KLF17: variants seen among roughly 807,000 people sequenced by gnomAD.
KLF17 encodes KLF transcription factor 17.
KLF17 carries 31 observed loss-of-function variants against 34.2 expected under a neutral mutation model. The ratio of observed to expected loss-of-function variants is 0.91; its 90% CI spans 0.68 to 1.22. The LOEUF is 1.22. KLF17 is among the 50% of genes most tolerant of loss of function. The pLI, the probability that KLF17 is intolerant of heterozygous loss-of-function variation, is 0.00. For synonymous variants in KLF17, 179 were observed against 186.7 expected (o/e 0.96, Z 0.34); for missense variants, 478 against 505.2 (o/e 0.95, Z 0.52).
chr1:44,066,474 C>T, the KLF17 span, among the ~76,000 whole-genome samples: 1 of 151,430 alleles, frequency 6.6e-6, no homozygotes, highest in Non-Finnish European at 1.5e-5. Flanking sequence ...AATCCTCCCA[C>T]CTCAGCCTCC....
At chr1:44,091,782 C>T in the KLF17 span, among the ~76,000 whole-genome samples, 6 of 151,276 alleles carry the variant, frequency 4.0e-5, no homozygotes, top group African/African-American at 1.5e-4. Flanking sequence ...TTTTGGGGAC[C>T]TTAACGGTTC....
the KLF17 span, among the ~76,000 whole-genome samples, chr1:44,054,350 G>A: frequency 2.0e-5 from 3 of 152,228 alleles, no homozygotes; most frequent in South Asian, 6.2e-4. Context: ...ATTGTTAGTG[G>A]CTGCTTTAGG....
the KLF17 span, chr1:44,048,002 A>ATGTGTG: frequency 0.055 from 7,338 of 134,180 alleles, 207 homozygotes; most frequent in South Asian, 0.062. Flanking sequence ...TTGTGTGTGT[A>ATGTGTG]TGTGTGTGTG....
chr1:44,052,854 G>A, the KLF17 span, among the ~76,000 whole-genome samples: 27 of 151,092 alleles, frequency 1.8e-4, no homozygotes, highest in African/African-American at 5.4e-4. Context: ...TTGCAACAAT[G>A]TTTAGGTTCT....
At chr1:44,095,144 G>A in the KLF17 span, among the ~76,000 whole-genome samples, 9 of 150,238 alleles carry the variant, frequency 6.0e-5, no homozygotes, top group East Asian at 2.0e-4. Flanking sequence ...CTCATGATCC[G>A]CCCGCCTCGG....
chr1:44,067,968 A>G, the KLF17 span, among the ~76,000 whole-genome samples: 2 of 151,830 alleles, frequency 1.3e-5, no homozygotes, highest in African/African-American at 4.8e-5. Flanking sequence ...GGCAGCACTG[A>G]CCTTTCTTCC....
rs1262760107 is a variant in KLF17, at chr1:44,134,191, G to T, written c.*954G>T. ...ACAATGGTGGGCAAAACAGGCTCCT[G>T]CTCTTGTGGAGGTCACAATCTAGCG... On this transcript the variant is annotated 3_prime_UTR_variant, in exon 4 of 4. Transcript: ENST00000372299. 1 of 152,270 alleles carries T rather than the reference G, an allele frequency of 6.6e-6. No individual in the cohort carries two copies. The highest frequency in any genetic ancestry group is 6.5e-5 in the Admixed American group (1 of 15,270). 9.4% of individuals were successfully genotyped at this position (152,270 alleles called of 1,614,324 possible).
At chr1:44,117,303 ACAGCACACTG>A (rs1224978951), upstream of KLF17, 2 of 152,122 alleles carry the variant, frequency 1.3e-5, no homozygotes, top group Non-Finnish European at 2.9e-5. Flanking sequence ...CCCAATCAGC[ACAGCACACTG>A]CAGCCCAGAC....
intron 1 of KLF17, among the ~76,000 whole-genome samples, chr1:44,127,831 C>T (rs370658001): frequency 3.6e-5 from 4 of 111,118 alleles, no homozygotes; most frequent in South Asian, 3.1e-4. Flanking sequence ...ATTGTTGTTA[C>T]GTTTTCCCTT....
the KLF17 span, among the ~76,000 whole-genome samples, chr1:44,054,447 T>TG: frequency 1.5e-4 from 22 of 149,318 alleles, no homozygotes; most frequent in Middle Eastern, 3.6e-3. Context: ...CACCACTTGC[T>TG]GGACTCTAGG....
At chr1:44,075,920 T>A in the KLF17 span, among the ~76,000 whole-genome samples, 1 of 152,234 alleles carries the variant, frequency 6.6e-6, no homozygotes, top group Non-Finnish European at 1.5e-5. Flanking sequence ...GGAGTAGAGT[T>A]GCTAGGTTGT....
At chr1:44,075,849 T>C in the KLF17 span, among the ~76,000 whole-genome samples, 7 of 152,230 alleles carry the variant, frequency 4.6e-5, no homozygotes, top group Admixed American at 4.6e-4. Context: ...ATATTAACAT[T>C]TTTGTTTATG....
upstream of KLF17, among the ~76,000 whole-genome samples, chr1:44,118,424 C>T (rs2087903475): frequency 6.6e-6 from 1 of 152,184 alleles, no homozygotes; most frequent in Non-Finnish European, 1.5e-5. Flanking sequence ...CCTTCCAAAG[C>T]TTATGGCAAG....
chr1:44,132,257 G>C (rs2088120443), intron 3 of KLF17, among the ~76,000 whole-genome samples: 1 of 152,112 alleles, frequency 6.6e-6, no homozygotes, highest in African/African-American at 2.4e-5. Flanking sequence ...GGTGAGCCAA[G>C]ATTGTGCCAT....
chr1:44,115,384 G>A (rs151151510), upstream of KLF17: 4,496 of 148,878 alleles, frequency 0.03, 88 homozygotes, highest in Non-Finnish European at 0.044. Flanking sequence ...CCGGGAGGCG[G>A]AGCTTGCAGT....
the KLF17 span, chr1:44,105,160 A>C: frequency 7.9e-5 from 12 of 152,312 alleles, no homozygotes; most frequent in African/African-American, 2.9e-4. Flanking sequence ...TGTGTATATA[A>C]GTGGTAAAAT....
chr1:44,124,495 A>ATATTTT (rs1553171321), intron 1 of KLF17, among the ~76,000 whole-genome samples: 1 of 112,406 alleles, frequency 8.9e-6, no homozygotes, highest in African/African-American at 3.6e-5. Context: ...CACTTGGCTA[A>ATATTTT]TTTTTTTTTT....
the KLF17 span, among the ~76,000 whole-genome samples, chr1:44,069,249 A>G: frequency 6.6e-6 from 1 of 152,176 alleles, no homozygotes; most frequent in Non-Finnish European, 1.5e-5. The surrounding 1 kb of genome is among the most constrained non-coding windows in gnomAD (Gnocchi z 4.7). Context: ...CCTTGGCCAG[A>G]GGGGTCCACC....
the KLF17 span, chr1:44,088,087 A>G: frequency 4.8e-6 from 1 of 208,260 alleles, no homozygotes; most frequent in East Asian, 1.1e-4. Context: ...TAGCTTGATC[A>G]AGCTGCCAAG....
Sources: allele counts gnomAD v4.1 joint callset (sites outside exome capture counted in the v4.1 genomes callset), GRCh38; gene constraint gnomAD v4.1.1; non-coding constraint Gnocchi (gnomAD v3.1); transcripts MANE v1.5; gene names NCBI Gene and HGNC (gene_info 2026-07-23, HGNC 2026-07-21).